CTTNBP2: variants seen among roughly 807,000 people sequenced by gnomAD.
The protein encoded by CTTNBP2 is cortactin-binding protein 2.
Under a neutral mutation model 156.9 loss-of-function variants are expected in CTTNBP2, and 108 were observed. That is an observed-to-expected ratio of 0.69 (90% confidence interval 0.59 to 0.81). CTTNBP2 has a LOEUF of 0.81. Among genes scored for constraint, CTTNBP2 ranks in the 30% least tolerant of loss-of-function variants. CTTNBP2 has a pLI of 0.00. For synonymous variants in CTTNBP2, 767 were observed against 751.8 expected, an observed-to-expected ratio of 1.02 and a Z score of -0.33; for missense variants, 1,924 against 2,035.4, an observed-to-expected ratio of 0.95 and a Z score of 1.05.
intron 8 of CTTNBP2, among the ~76,000 whole-genome samples, chr7:117,772,661 C>G (rs999136146): frequency 1.3e-5 from 2 of 152,104 alleles, no homozygotes; most frequent in African/African-American, 4.8e-5. Context: ...CCCCTGGTTA[C>G]CAAGGAAAGC....
At chr7:117,712,748 C>T (rs1794127607) in intron 22 of CTTNBP2, among the ~76,000 whole-genome samples, 1 of 152,272 alleles carries the variant, frequency 6.6e-6, no homozygotes, top group Middle Eastern at 3.4e-3. Context: ...CCTGGGGGAG[C>T]TTTAATAGTC....
intron 10 of CTTNBP2, 48 bp downstream of exon 10, chr7:117,760,383 CATAA>C: frequency 6.4e-7 from 1 of 1,562,286 alleles, no homozygotes; most frequent in East Asian, 2.3e-5. Context: ...AACCCACAAA[CATAA>C]ATAAACCCAG....
intron 12 of CTTNBP2, among the ~76,000 whole-genome samples, chr7:117,751,309 G>A (rs997839736): frequency 2.0e-4 from 31 of 152,330 alleles, no homozygotes; most frequent in Admixed American, 1.6e-3. Flanking sequence ...GTCACACATA[G>A]TGTGAGGAAA....
intron 2 of CTTNBP2, among the ~76,000 whole-genome samples, chr7:117,852,533 T>A (rs1192254670): frequency 6.6e-6 from 1 of 152,156 alleles, no homozygotes; most frequent in Non-Finnish European, 1.5e-5. Flanking sequence ...CCTATTAGAA[T>A]CATACCCTAA....
chr7:117,861,250 C>T lies in CTTNBP2; in HGVS notation c.148G>A (p.Gly50Arg). 1 of 1,613,824 alleles carries T rather than the reference C, an allele frequency of 6.2e-7. No homozygotes were observed. Among genetic ancestry groups the T allele is most frequent in the Admixed American group, 1.7e-5 (1 of 59,996 alleles). Reference protein sequence around the residue: ...ELRMLLSVMEGELEARDLVIE... With the variant: ...ELRMLLSVMERELEARDLVIE... Reference sequence around the variant, plus strand: ...ACAAGGTCTCTGGCCTCCAGCTCCCCTTCCATCACGCTGAGGAGCATCCGC... The same window carrying T: ...ACAAGGTCTCTGGCCTCCAGCTCCCTTTCCATCACGCTGAGGAGCATCCGC... The change falls in exon 2 of 23, where the codon GGG becomes AGG. Residue 50 changes from glycine (G) to arginine (R), a missense_variant. Transcript: ENST00000160373.
intron 2 of CTTNBP2, among the ~76,000 whole-genome samples, chr7:117,819,922 A>G (rs1309043845): frequency 6.6e-6 from 1 of 152,226 alleles, no homozygotes; most frequent in Non-Finnish European, 1.5e-5. Context: ...ACTTCAATAA[A>G]CCACCAATTT....
intron 2 of CTTNBP2, among the ~76,000 whole-genome samples, chr7:117,817,361 A>ATAAATATATATATAT (rs1298639361): frequency 3.2e-4 from 17 of 53,304 alleles, no homozygotes; most frequent in South Asian, 6.3e-4. Context: ...AAAAAAAAAA[A>ATAAATATATATATAT]ATATATATAT....
intron 16 of CTTNBP2, among the ~76,000 whole-genome samples, chr7:117,734,314 ACT>A (rs1244567164): frequency 6.6e-6 from 1 of 152,014 alleles, no homozygotes; most frequent in African/African-American, 2.4e-5. Flanking sequence ...ACTAAATCAA[ACT>A]CTATTATTTC....
chr7:117,864,706 T>C (rs1218586884), intron 1 of CTTNBP2, among the ~76,000 whole-genome samples: 1 of 123,102 alleles, frequency 8.1e-6, no homozygotes, highest in Non-Finnish European at 1.9e-5. Flanking sequence ...ATTCATATAT[T>C]CATATATATT....
intron 3 of CTTNBP2, among the ~76,000 whole-genome samples, chr7:117,795,175 C>A (rs1347932536): frequency 0.021 from 1 of 48 alleles, no homozygotes; most frequent in Non-Finnish European, 0.036. Flanking sequence ...GGATTACAGG[C>A]GTGACGACCG....
intron 14 of CTTNBP2, among the ~76,000 whole-genome samples, chr7:117,739,455 C>T (rs1180376932): frequency 6.6e-6 from 1 of 152,186 alleles, no homozygotes; most frequent in Admixed American, 6.5e-5. Context: ...CCTTTTTCTT[C>T]CAACTTTATA....
At chr7:117,767,215 G>A (rs2116696982) in intron 8 of CTTNBP2, 39 bp from the exon 9 acceptor site, 1 of 1,086,728 alleles carries the variant, frequency 9.2e-7, no homozygotes, top group East Asian at 2.4e-5. Flanking sequence ...AAGTCCAAAT[G>A]AATTAACTTG....
intron 8 of CTTNBP2, among the ~76,000 whole-genome samples, chr7:117,770,133 T>A (rs1797724718): frequency 6.6e-6 from 1 of 152,238 alleles, no homozygotes; most frequent in African/African-American, 2.4e-5. Flanking sequence ...GGTGAGGTAC[T>A]ATAGCACATA....
intron 12 of CTTNBP2, among the ~76,000 whole-genome samples, chr7:117,751,024 C>T (rs1796594197): frequency 6.6e-6 from 1 of 152,146 alleles, no homozygotes; most frequent in Admixed American, 6.6e-5. Context: ...GGTACCAATC[C>T]CTTTTATTCT....
intron 1 of CTTNBP2, among the ~76,000 whole-genome samples, chr7:117,864,179 C>T (rs1207773665): frequency 6.6e-6 from 1 of 151,984 alleles, no homozygotes; most frequent in African/African-American, 2.4e-5. Flanking sequence ...TATGTATTAC[C>T]ATCAATAAAG....
intron 1 of CTTNBP2, among the ~76,000 whole-genome samples, chr7:117,864,645 T>TATATCTAGATGTATGA (rs1554451656): frequency 6.8e-6 from 1 of 148,126 alleles, no homozygotes. Flanking sequence ...TATATATTCA[T>TATATCTAGATGTATGA]ATATCTAGAT....
chr7:117,782,696 A>C (rs1346833793), intron 6 of CTTNBP2, among the ~76,000 whole-genome samples, 166 bp downstream of exon 6: 2 of 152,202 alleles, frequency 1.3e-5, no homozygotes, highest in Non-Finnish European at 2.9e-5. Context: ...TTAAGAGCAA[A>C]TTTAGAATCC....
chr7:117,841,202 T>C (rs933365324), intron 2 of CTTNBP2, among the ~76,000 whole-genome samples: 2 of 152,238 alleles, frequency 1.3e-5, no homozygotes, highest in Non-Finnish European at 2.9e-5. Flanking sequence ...ATCTGGAGTC[T>C]GGTATCTGCT....
At chr7:117,807,052 C>A (rs931481441) in intron 3 of CTTNBP2, among the ~76,000 whole-genome samples, 1 of 152,020 alleles carries the variant, frequency 6.6e-6, no homozygotes, top group African/African-American at 2.4e-5. Flanking sequence ...CCACCATGCC[C>A]GGCTGGCTCA....
Sources: allele counts gnomAD v4.1 joint callset (sites outside exome capture counted in the v4.1 genomes callset), GRCh38; gene constraint gnomAD v4.1.1; transcripts MANE v1.5; gene names NCBI Gene and HGNC (gene_info 2026-07-23, HGNC 2026-07-21).